Variants in SGCZ observed in about 807,000 individuals in gnomAD.
The protein encoded by SGCZ is sarcoglycan zeta.
SGCZ carries 40 observed loss-of-function variants against 41.3 expected under a neutral mutation model. The ratio of observed to expected loss-of-function variants is 0.97; its 90% CI spans 0.75 to 1.26. SGCZ has a LOEUF of 1.26. Among genes scored for constraint, SGCZ ranks in the 50% most tolerant of loss-of-function variants. The probability of loss-of-function intolerance (pLI) is 0.00; values close to 1 mark genes in which losing one functional copy is unlikely to be tolerated. For synonymous variants in SGCZ, 206 were observed against 137.5 expected (o/e 1.50, Z -3.49); for missense variants, 552 against 369.8 (o/e 1.49, Z -4.04).
chr8:14,508,841 C>T (rs1449289885), intron 2 of SGCZ, among the ~76,000 whole-genome samples: 3 of 152,108 alleles, frequency 2.0e-5, no homozygotes, highest in Admixed American at 1.3e-4. Context: ...TAGGACCACT[C>T]TACTATTTGG....
intron 1 of SGCZ, among the ~76,000 whole-genome samples, chr8:15,134,428 C>G (rs10091599): frequency 0.13 from 19,367 of 151,950 alleles, 1,285 homozygotes; most frequent in South Asian, 0.21. Flanking sequence ...GGTACATTCA[C>G]TGAGCAATTA....
chr8:15,163,977 T>TAA (rs1563159994), intron 1 of SGCZ, among the ~76,000 whole-genome samples: 1 of 152,212 alleles, frequency 6.6e-6, no homozygotes, highest in Non-Finnish European at 1.5e-5. Flanking sequence ...GGCTGGCCTC[T>TAA]CCGCTTCCTG....
Position 14,265,312 on chromosome 8 carries a change from A to C in SGCZ, c.337-27633T>G, listed in dbSNP as rs141139986. Among the ~76,000 whole-genome samples, 1,092 of 152,270 alleles carry C rather than the reference A, an allele frequency of 7.2e-3. 17 individuals are homozygous for C. Among genetic ancestry groups the C allele is most frequent in the African/African-American group, 0.025 (1,045 of 41,564 alleles). On this transcript the variant is annotated intron_variant, in intron 3 of 7. Transcript: ENST00000382080. ...ATTTTTATATCGCTCTAGTATATTG[A>C]CTTTGGAAACAAAAGACGTCATTTT...
chr8:14,939,114 G>C (rs1585395899), intron 1 of SGCZ, among the ~76,000 whole-genome samples: 1 of 152,218 alleles, frequency 6.6e-6, no homozygotes, highest in East Asian at 1.9e-4. Context: ...ACTTCAATCT[G>C]TTCCAGGATT....
intron 1 of SGCZ, among the ~76,000 whole-genome samples, chr8:15,071,292 A>G (rs897923031): frequency 6.6e-6 from 1 of 152,180 alleles, no homozygotes; most frequent in Non-Finnish European, 1.5e-5. Flanking sequence ...TTGTTGTTTA[A>G]TCTGAACAAT....
intron 1 of SGCZ, among the ~76,000 whole-genome samples, chr8:14,560,854 G>C (rs1804186742): frequency 6.7e-6 from 1 of 149,012 alleles, no homozygotes; most frequent in African/African-American, 2.5e-5. Context: ...AAGAAAAGTT[G>C]TGAAAAAAAC....
intron 7 of SGCZ, among the ~76,000 whole-genome samples, chr8:14,093,094 C>G (rs1801738339): frequency 6.6e-6 from 1 of 152,072 alleles, no homozygotes; most frequent in Non-Finnish European, 1.5e-5. Flanking sequence ...ATAGCTCTCT[C>G]CAGCTGTTTC....
chr8:14,117,471 G>A (rs576635752), intron 5 of SGCZ, among the ~76,000 whole-genome samples: 2 of 148,360 alleles, frequency 1.3e-5, no homozygotes, highest in Admixed American at 1.4e-4. Flanking sequence ...TCACTGGGGA[G>A]TACTTGACCC....
At chr8:14,523,875 C>T (rs893609656) in intron 2 of SGCZ, among the ~76,000 whole-genome samples, 2 of 151,962 alleles carry the variant, frequency 1.3e-5, no homozygotes, top group Non-Finnish European at 2.9e-5. Flanking sequence ...GTTATTTTTT[C>T]CCTACTCTGT....
In SGCZ at chr8:14,625,955, A is replaced by G. The variant is rs540389250; in HGVS notation, c.40-71029T>C. On this transcript the variant is annotated intron_variant, in intron 1 of 7. Coordinates refer to ENST00000382080, the MANE Select transcript of SGCZ (RefSeq NM_139167.4). ...TTAATTAATTTACTAATTAATTTAG[A>G]CAGCAAAGTTTCATCCAAGGCCAAA... 9.8e-5 allele frequency among the ~76,000 whole-genome samples: 15 copies of G among 152,306 alleles called. No individual in the cohort carries two copies. In the South Asian group the frequency reaches 3.1e-3, roughly 32 times the overall value.
intron 1 of SGCZ, among the ~76,000 whole-genome samples, chr8:14,676,429 G>A (rs1808281722): frequency 6.6e-6 from 1 of 151,956 alleles, no homozygotes; most frequent in African/African-American, 2.4e-5. Flanking sequence ...TGAGACAGGA[G>A]GATCACTTGA....
chr8:14,472,603 G>A (rs1450575979), intron 2 of SGCZ, among the ~76,000 whole-genome samples: 3 of 152,018 alleles, frequency 2.0e-5, no homozygotes, highest in Admixed American at 6.6e-5. Context: ...ATGTTTAAGC[G>A]TGCAGTGGTA....
intron 1 of SGCZ, among the ~76,000 whole-genome samples, chr8:14,569,517 C>T (rs1178276920): frequency 6.6e-6 from 1 of 152,134 alleles, no homozygotes; most frequent in Non-Finnish European, 1.5e-5. Context: ...AGCATTTTCA[C>T]TCAGGAAGCA....
rs181900876 is a variant in SGCZ at position 14,558,025 on chromosome 8, G to A, written c.40-3099C>T. On this transcript the variant is annotated intron_variant, in intron 1 of 7. Transcript: ENST00000382080. ...ACAGAAATACAGAAGATCATTTAAG[G>A]CTACTATGAACATTTTAAGTGCATA... Among the ~76,000 whole-genome samples, 4 of 152,204 alleles carry A rather than the reference G, an allele frequency of 2.6e-5. No homozygotes were observed. The East Asian group carries it at 7.8e-4, about 30-fold the overall frequency.
chr8:14,140,426 A>T (rs569378980), intron 5 of SGCZ, among the ~76,000 whole-genome samples: 1 of 152,126 alleles, frequency 6.6e-6, no homozygotes, highest in African/African-American at 2.4e-5. Context: ...AAACCCCATC[A>T]TCTCAGCCCA....
chr8:14,380,360 G>C (rs1804313588), intron 2 of SGCZ, among the ~76,000 whole-genome samples: 1 of 151,980 alleles, frequency 6.6e-6, no homozygotes, highest in South Asian at 2.1e-4. Flanking sequence ...TATTTTTCTA[G>C]TGTTGAATGT....
chr8:14,366,501 G>A (rs952065586), intron 2 of SGCZ, among the ~76,000 whole-genome samples: 1 of 151,988 alleles, frequency 6.6e-6, no homozygotes, highest in African/African-American at 2.4e-5. Context: ...AAAATTTGGT[G>A]GGGGGGACAC....
chr8:14,530,827 G>T (rs1001831288), intron 2 of SGCZ, among the ~76,000 whole-genome samples: 1 of 152,010 alleles, frequency 6.6e-6, no homozygotes, highest in Admixed American at 6.6e-5. Flanking sequence ...TTTTAAAAAA[G>T]AATGATTTTT....
intron 1 of SGCZ, among the ~76,000 whole-genome samples, chr8:15,237,340 G>A (rs1488478848): frequency 6.6e-6 from 1 of 152,178 alleles, no homozygotes; most frequent in African/African-American, 2.4e-5. Context: ...CGGGGTGGCC[G>A]CTGGCGGGAG....
Sources: gnomAD v4.1 joint callset for allele counts (sites outside exome capture counted in the v4.1 genomes callset) on GRCh38, gnomAD v4.1.1 for gene constraint, MANE v1.5 for transcripts, NCBI Gene and HGNC (gene_info 2026-07-23, HGNC 2026-07-21) for gene names.